The following WDR64 variants were observed in gnomAD, a reference collection of about 807,000 sequenced individuals.
WDR64 encodes the protein WD repeat domain 64, also known as WD repeat-containing protein 64.
Under a neutral mutation model 139.3 loss-of-function variants are expected in WDR64, and 112 were observed. The ratio of observed to expected loss-of-function variants is 0.80; its 90% CI spans 0.69 to 0.94. The LOEUF is 0.94. Among genes scored for constraint, WDR64 ranks in the 40% least tolerant of loss-of-function variants. WDR64 has a pLI of 0.00. For missense variants in WDR64, 1,206 were observed against 1,293.1 expected, an observed-to-expected ratio of 0.93 and a Z score of 1.03; for synonymous variants, 444 against 437.7, an observed-to-expected ratio of 1.01 and a Z score of -0.18.
At chr1:241,707,344 C>T (rs1401358870) in intron 8 of WDR64, among the ~76,000 whole-genome samples, 1 of 152,188 alleles carries the variant, frequency 6.6e-6, no homozygotes, top group African/African-American at 2.4e-5. Context: ...TTGAGTATTT[C>T]CCTTTTGGAG....
rs1473449360 is a variant in WDR64, at chr1:241,787,970, AAAG to A, written c.2833_2835del (p.Glu945del). 2 of 1,608,574 alleles carry A rather than the reference AAAG, an allele frequency of 1.2e-6. No individual in the cohort carries two copies. The highest frequency in any genetic ancestry group is 1.3e-5 in the African/African-American group (1 of 74,564). On this transcript the variant is annotated inframe_deletion, in exon 24 of 28. Transcript: ENST00000437684. ...TGTTACTGAATATCCCATAGAAATA[AAAG>A]AAGAAAGCAAGTTCACAGAGAAGCA...
At chr1:241,748,854 G>A (rs1669865962) in intron 13 of WDR64, among the ~76,000 whole-genome samples, 1 of 151,472 alleles carries the variant, frequency 6.6e-6, no homozygotes, top group East Asian at 1.9e-4. Flanking sequence ...GCAGGAGAAT[G>A]GTGTGAACCC....
intron 22 of WDR64, among the ~76,000 whole-genome samples, chr1:241,782,990 T>A (rs1035315390): frequency 1.3e-5 from 2 of 152,186 alleles, no homozygotes; most frequent in African/African-American, 2.4e-5. Context: ...TAATCATCAA[T>A]TAAATGAATC....
intron 10 of WDR64, among the ~76,000 whole-genome samples, chr1:241,736,881 T>C (rs1418806777): frequency 6.6e-6 from 1 of 152,218 alleles, no homozygotes; most frequent in African/African-American, 2.4e-5. Context: ...ATTGAAACCC[T>C]AATCCTCCTT....
In WDR64 at chr1:241,675,258, C is replaced by CCCTCCTTCCTTCCTT. The variant is rs1277039678; in HGVS notation, c.483+516_483+517insTTCCTTCCTTCCTCC. On this transcript the variant is annotated intron_variant, in intron 4 of 27. Transcript: ENST00000437684. ...CCTCCTTCCTCCCTCCTTCCTTCCTCCCTCCCTTCCTCCCTTCCTCTCTCT... is the reference window on the plus strand; with the variant it reads ...CCTCCTTCCTCCCTCCTTCCTTCCTCCCTCCTTCCTTCCTTCCTCCCTTCCTCCCTTCCTCTCTCT... Among the ~76,000 whole-genome samples the CCCTCCTTCCTTCCTT allele has an allele frequency of 3.3e-3, 333 of 99,956 alleles. 9 individuals are homozygous for CCCTCCTTCCTTCCTT. The highest frequency in any genetic ancestry group is 6.8e-3 in the East Asian group (22 of 3,228). 65.6% of individuals were successfully genotyped at this position (99,956 alleles called of 152,430 possible).
intron 8 of WDR64, among the ~76,000 whole-genome samples, chr1:241,687,951 A>G (rs6680620): frequency 0.015 from 2,285 of 152,338 alleles, 66 homozygotes; most frequent in African/African-American, 0.053. Context: ...AGAGCTTGTG[A>G]GTATGATCTG....
rs761897695 is a variant in WDR64 at position 241,766,361 on chromosome 1, G to A, written c.2081+10G>A. 5.0e-6 allele frequency: 8 copies of A among 1,612,906 alleles called. No homozygotes were observed. The highest frequency in any genetic ancestry group is 1.7e-4 in the Middle Eastern group (1 of 5,986). ...CTACTGTCAAAAAAGTGTAAGTTGT[G>A]TATTATCCTTAAACAATGTAAAAGC... On this transcript the variant is annotated intron_variant, in intron 16 of 27. Transcript: ENST00000437684.
intron 4 of WDR64, 80 bp from the exon 5 acceptor site, chr1:241,678,107 C>T (rs946932523): frequency 1.5e-5 from 6 of 398,306 alleles, no homozygotes; most frequent in Middle Eastern, 6.2e-4. Context: ...CAAGAAGATA[C>T]TGTGTTGTTT....
At chr1:241,798,027 T>A (rs898055216) in intron 27 of WDR64, among the ~76,000 whole-genome samples, 7 of 152,218 alleles carry the variant, frequency 4.6e-5, no homozygotes, top group African/African-American at 1.7e-4. Flanking sequence ...GAATGAAAAA[T>A]TATTCACAGT....
intron 8 of WDR64, among the ~76,000 whole-genome samples, chr1:241,699,859 C>G (rs538783051): frequency 1.2e-4 from 19 of 152,178 alleles, no homozygotes; most frequent in African/African-American, 4.3e-4. Context: ...GCATACCATG[C>G]TAAAGAGTTG....
chr1:241,772,452 T>C (rs1012511628), intron 19 of WDR64, among the ~76,000 whole-genome samples: 2 of 6,952 alleles, frequency 2.9e-4, no homozygotes, highest in South Asian at 0.016. Flanking sequence ...AGATAGATCC[T>C]TTTTTTTTTT....
At chr1:241,765,773 T>C (rs1411616872) in intron 15 of WDR64, among the ~76,000 whole-genome samples, 1 of 152,196 alleles carries the variant, frequency 6.6e-6, no homozygotes, top group Non-Finnish European at 1.5e-5. Flanking sequence ...ATAGTAGATA[T>C]CTAACAAATA....
At chr1:241,795,681 C>A (rs1403624525) in intron 26 of WDR64, among the ~76,000 whole-genome samples, 1 of 152,064 alleles carries the variant, frequency 6.6e-6, no homozygotes, top group Non-Finnish European at 1.5e-5. Flanking sequence ...TCTCTAATAC[C>A]TCTGAAACTG....
intron 8 of WDR64, among the ~76,000 whole-genome samples, chr1:241,699,960 G>A (rs575095592): frequency 1.1e-4 from 16 of 152,014 alleles, no homozygotes; most frequent in Admixed American, 1.0e-3. Flanking sequence ...CCTAACAGCA[G>A]AGCGGAGAAT....
intron 22 of WDR64, among the ~76,000 whole-genome samples, chr1:241,780,969 T>C (rs1292196127): frequency 6.6e-6 from 1 of 152,240 alleles, no homozygotes; most frequent in Non-Finnish European, 1.5e-5. Flanking sequence ...AAGTTTCATT[T>C]ACCAGTAACT....
In WDR64 at chr1:241,746,431, G is replaced by A. The variant is rs116409757; in HGVS notation, c.1594+1915G>A. ...TCATCCCTCTGGCCCCTTCTTCCAG[G>A]TCCCCCAAAGCAAATGAATGAAGTT... On this transcript the variant is annotated intron_variant, in intron 13 of 27. Transcript: ENST00000437684. Among the ~76,000 whole-genome samples the A allele has an allele frequency of 4.8e-3, 737 of 152,008 alleles. 5 individuals are homozygous for A. The highest frequency in any genetic ancestry group is 0.017 in the African/African-American group (704 of 41,452).
At chr1:241,795,576 C>T (rs1418463710) in intron 26 of WDR64, among the ~76,000 whole-genome samples, 1 of 152,190 alleles carries the variant, frequency 6.6e-6, no homozygotes, top group African/African-American at 2.4e-5. Flanking sequence ...ATAAAACCTC[C>T]AGGATCCACC....
intron 23 of WDR64, among the ~76,000 whole-genome samples, chr1:241,785,920 G>GC (rs755324371): frequency 1.3e-5 from 2 of 152,208 alleles, no homozygotes; most frequent in Non-Finnish European, 2.9e-5. Context: ...AGGAAATCAA[G>GC]CTGGGAAGCA....
At chr1:241,749,421 G>A (rs1405497410) in intron 13 of WDR64, 126 bp from the exon 14 acceptor site, 3 of 1,109,302 alleles carry the variant, frequency 2.7e-6, no homozygotes, top group Non-Finnish European at 2.6e-6. Context: ...ACCCATCTGA[G>A]TAGGGAATAA....
Sources: gnomAD v4.1 joint callset for allele counts (sites outside exome capture counted in the v4.1 genomes callset) on GRCh38, gnomAD v4.1.1 for gene constraint, MANE v1.5 for transcripts, NCBI Gene and HGNC (gene_info 2026-07-23, HGNC 2026-07-21) for gene names.